PMS1: variants seen among roughly 807,000 people sequenced by gnomAD.
PMS1 encodes the protein PMS1 homolog 1, mismatch repair system component.
In PMS1, 79 loss-of-function variants were observed where a neutral mutation model predicts 93.1. The observed-to-expected ratio is 0.85, with a 90% CI of 0.71 to 1.02. PMS1 has a LOEUF of 1.02. PMS1 is among the 50% of genes least tolerant of loss of function. PMS1 has a pLI of 0.00. For synonymous variants in PMS1, 335 were observed against 363.4 expected, an observed-to-expected ratio of 0.92 and a Z score of 0.89; for missense variants, 1,064 against 1,085.3, an observed-to-expected ratio of 0.98 and a Z score of 0.28.
At chr2:189,838,025 G>A (rs1285353357) in intron 5 of PMS1, among the ~76,000 whole-genome samples, 1 of 152,200 alleles carries the variant, frequency 6.6e-6, no homozygotes, top group Admixed American at 6.5e-5. Flanking sequence ...AGTCACTGAT[G>A]ATGGATATAG....
chr2:189,822,397 C>T (rs563178469), intron 5 of PMS1, among the ~76,000 whole-genome samples: 2 of 152,290 alleles, frequency 1.3e-5, no homozygotes, highest in South Asian at 2.1e-4. Context: ...CCAACACATC[C>T]TGGAGAAGGC....
chr2:189,846,994 T>G (rs1312217851), intron 6 of PMS1, among the ~76,000 whole-genome samples: 1 of 152,004 alleles, frequency 6.6e-6, no homozygotes, highest in Non-Finnish European at 1.5e-5. Flanking sequence ...CCTGAGTAGC[T>G]GGGATTGCAG....
At chr2:189,831,275 A>C (rs777596946) in intron 5 of PMS1, among the ~76,000 whole-genome samples, 1 of 152,214 alleles carries the variant, frequency 6.6e-6, no homozygotes, top group Non-Finnish European at 1.5e-5. Flanking sequence ...AAAGTTTTTA[A>C]GTAGGGAATT....
rs781542667 is a variant in PMS1 at position 189,805,692 on chromosome 2, C to G, written c.356C>G (p.Thr119Ser). The G allele has an allele frequency of 6.2e-7, 1 of 1,613,748 alleles. No homozygotes were observed. The highest frequency in any genetic ancestry group is 1.7e-5 in the Admixed American group (1 of 60,008). Reference protein sequence around the residue: ...TTRTAADNFSTQYVLDGSGHI... With the variant: ...TTRTAADNFSSQYVLDGSGHI... The stretch of plus-strand genomic sequence containing the variant: ...AGAACGGCTGCTGATAATTTTAGCA[C>G]CCAGTATGTTTTAGATGGCAGTGGC... Residue 119 changes from threonine (T) to serine (S), a missense_variant, in exon 4 of 13, where the codon ACC (threonine) becomes AGC (serine). Transcript: ENST00000441310.
intron 4 of PMS1, among the ~76,000 whole-genome samples, chr2:189,811,185 G>A (rs1177905847): frequency 1.3e-5 from 2 of 150,444 alleles, no homozygotes; most frequent in Non-Finnish European, 3.0e-5. Flanking sequence ...GAAGTAGAAT[G>A]AGAAAAGAGC....
At chr2:189,797,893 T>C (rs1338866407) in intron 3 of PMS1, among the ~76,000 whole-genome samples, 1 of 152,244 alleles carries the variant, frequency 6.6e-6, no homozygotes, top group Non-Finnish European at 1.5e-5. Flanking sequence ...TCCAGCTCAG[T>C]ACAGATACTC....
In PMS1 at chr2:189,854,001, C is replaced by G. The variant is rs2055058433; in HGVS notation, c.885C>G (p.Phe295Leu). The change falls in exon 8 of 13, where the codon TTC becomes TTG. Residue 295 changes from phenylalanine to leucine, a missense_variant. Physicochemically the swap from Phe to Leu is conservative, Grantham distance 22. Coordinates refer to ENST00000441310, the MANE Select transcript of PMS1 (RefSeq NM_000534.5). ...LKESTRLYPV[F>L]FLKIDVPTAD... is the part of the protein sequence containing the mutation. ...AATCTACTCGTTTGTATCCTGTTTT[C>G]TTTCTGAAAATCGATGTTCCTACAG... 6.2e-7 allele frequency: 1 copy of G among 1,608,552 alleles called. No individual in the cohort carries two copies. Among genetic ancestry groups the G allele is most frequent in the Non-Finnish European group, 8.5e-7 (1 of 1,176,892 alleles).
intron 5 of PMS1, among the ~76,000 whole-genome samples, chr2:189,833,851 T>A (rs1235089690): frequency 1.3e-5 from 2 of 152,180 alleles, no homozygotes; most frequent in Non-Finnish European, 2.9e-5. Flanking sequence ...TCTTCAAGAT[T>A]TTTACTTTTG....
chr2:189,859,775 G>A (rs1390377394), intron 9 of PMS1, among the ~76,000 whole-genome samples: 3 of 151,984 alleles, frequency 2.0e-5, no homozygotes, highest in Non-Finnish European at 4.4e-5. Context: ...GTTTGGGTGT[G>A]TTTAATTTAT....
At chr2:189,796,088 G>T in intron 3 of PMS1, 137 bp downstream of exon 3, 1 of 721,626 alleles carries the variant, frequency 1.4e-6, no homozygotes. Flanking sequence ...GCCGGGCGAG[G>T]TGGCTCACGC....
intron 5 of PMS1, among the ~76,000 whole-genome samples, chr2:189,822,182 G>A (rs1239484159): frequency 6.6e-6 from 1 of 152,176 alleles, no homozygotes; most frequent in Non-Finnish European, 1.5e-5. Context: ...AGGAGGCGGG[G>A]CTGGCGCTGA....
chr2:189,865,650 T>C (rs2056589032), intron 10 of PMS1, among the ~76,000 whole-genome samples: 1 of 152,162 alleles, frequency 6.6e-6, no homozygotes, highest in Admixed American at 6.5e-5. Flanking sequence ...AATTGCTTTC[T>C]GTAAAAATAA....
At chr2:189,875,949 CTG>C (rs1382648249) in intron 12 of PMS1, among the ~76,000 whole-genome samples, 1 of 94,606 alleles carries the variant, frequency 1.1e-5, no homozygotes, top group African/African-American at 6.3e-5. Flanking sequence ...GAGCTAGACT[CTG>C]TCTCAAAAAA....
chr2:189,786,142 A>G (rs2048328015), intron 1 of PMS1, among the ~76,000 whole-genome samples: 1 of 152,070 alleles, frequency 6.6e-6, no homozygotes, highest in Admixed American at 6.6e-5. Context: ...ATAAAAAAAG[A>G]CGAGCTGTGC....
intron 5 of PMS1, among the ~76,000 whole-genome samples, chr2:189,823,411 A>T (rs1347477971): frequency 6.6e-6 from 1 of 151,952 alleles, no homozygotes; most frequent in African/African-American, 2.4e-5. Context: ...TCCTAATGCT[A>T]TCCCTCCCCC....
intron 4 of PMS1, 131 bp from the exon 5 acceptor site, chr2:189,817,886 C>A: frequency 1.4e-6 from 1 of 710,060 alleles, no homozygotes; most frequent in South Asian, 1.5e-5. Flanking sequence ...CAAAGTTGAG[C>A]CTTTGGGTTT....
intron 5 of PMS1, among the ~76,000 whole-genome samples, chr2:189,838,799 G>A (rs906570387): frequency 1.3e-5 from 2 of 152,182 alleles, no homozygotes; most frequent in Non-Finnish European, 2.9e-5. Context: ...GTCAACATCA[G>A]TTTCACTGAC....
chr2:189,853,809 G>A lies in PMS1; in HGVS notation c.823-130G>A. 8.3e-6 allele frequency: 5 copies of A among 604,538 alleles called. No individual in the cohort carries two copies. The South Asian group carries it at 1.2e-4, about 14-fold the overall frequency. The allele number at this position is 604,538 out of a possible 1,614,324, so 37.4% of individuals were successfully genotyped here. On this transcript the variant is annotated intron_variant, in intron 7 of 12. Transcript: ENST00000441310. ...TGGGATCCCAGGCATGAGCCACTGT[G>A]CCGGGTCATGATAATGCTTTTCCTA...
In PMS1 at chr2:189,814,955, C is replaced by T. The variant is rs531895063; in HGVS notation, c.419-3062C>T. Among the ~76,000 whole-genome samples, 124 of 152,096 alleles carry T rather than the reference C, an allele frequency of 8.2e-4. 1 individual carries two copies. The highest frequency in any genetic ancestry group is 2.9e-3 in the African/African-American group (121 of 41,490). On this transcript the variant is annotated intron_variant, in intron 4 of 12. Coordinates refer to ENST00000441310, the MANE Select transcript of PMS1 (RefSeq NM_000534.5). ...TACCAAAAAAATACAAAAAATTAGC[C>T]AGGCGGGCTGGCAGGTTCCTGTAGT... is the stretch of plus-strand genomic sequence containing the variant.
Sources: allele counts gnomAD v4.1 joint callset (sites outside exome capture counted in the v4.1 genomes callset), GRCh38; gene constraint gnomAD v4.1.1; transcripts MANE v1.5; gene names NCBI Gene and HGNC (gene_info 2026-07-23, HGNC 2026-07-21).